The following ALCAM variants were observed in gnomAD, a reference collection of about 807,000 sequenced individuals.
ALCAM encodes the protein activated leukocyte cell adhesion molecule.
A neutral mutation model predicts 70.9 loss-of-function variants in ALCAM; 30 were observed. The ratio of observed to expected loss-of-function variants is 0.42; its 90% CI spans 0.32 to 0.57. ALCAM has a LOEUF of 0.57. ALCAM is among the 20% of genes least tolerant of loss of function. ALCAM has a pLI of 0.11. For missense variants in ALCAM, 591 were observed against 695.1 expected, an observed-to-expected ratio of 0.85 and a Z score of 1.68; for synonymous variants, 249 against 242.5, an observed-to-expected ratio of 1.03 and a Z score of -0.25.
At chr3:105,511,951 T>C (rs1266187528) in intron 1 of ALCAM, among the ~76,000 whole-genome samples, 1 of 151,990 alleles carries the variant, frequency 6.6e-6, no homozygotes, top group Non-Finnish European at 1.5e-5. Flanking sequence ...CACAGCATTT[T>C]CTAAGTCTGT....
intron 1 of ALCAM, among the ~76,000 whole-genome samples, chr3:105,483,564 A>G (rs1483815660): frequency 2.6e-5 from 4 of 152,134 alleles, no homozygotes; most frequent in Admixed American, 6.6e-5. Context: ...TGTGCCTGTA[A>G]AATGTCTGTG....
At chr3:105,407,840 G>A (rs1013092811) in intron 1 of ALCAM, among the ~76,000 whole-genome samples, 3 of 152,024 alleles carry the variant, frequency 2.0e-5, no homozygotes, top group Non-Finnish European at 4.4e-5. Context: ...TCCTAGAACT[G>A]GTAAATGAAT....
At chr3:105,373,598 G>C (rs901564903) in intron 1 of ALCAM, among the ~76,000 whole-genome samples, 14 of 152,146 alleles carry the variant, frequency 9.2e-5, no homozygotes, top group Non-Finnish European at 1.9e-4. Context: ...AATGACTAAA[G>C]TGAGTCTTAA....
At chr3:105,512,092 T>G (rs1164547277) in intron 1 of ALCAM, among the ~76,000 whole-genome samples, 1 of 152,072 alleles carries the variant, frequency 6.6e-6, no homozygotes, top group Non-Finnish European at 1.5e-5. Context: ...ATATTTTTTC[T>G]AAAGCATTTT....
intron 1 of ALCAM, among the ~76,000 whole-genome samples, chr3:105,504,836 G>A (rs1464749831): frequency 6.6e-6 from 1 of 152,206 alleles, no homozygotes; most frequent in African/African-American, 2.4e-5. Context: ...TGGGGGTGGA[G>A]CCCTAGCCAG....
intron 1 of ALCAM, among the ~76,000 whole-genome samples, chr3:105,437,132 A>C (rs1340397750): frequency 6.6e-6 from 1 of 152,186 alleles, no homozygotes; most frequent in Non-Finnish European, 1.5e-5. Flanking sequence ...GGTGTAAAAC[A>C]CTTCATCATG....
intron 1 of ALCAM, among the ~76,000 whole-genome samples, chr3:105,432,470 T>C (rs886344040): frequency 5.3e-5 from 8 of 152,074 alleles, no homozygotes; most frequent in African/African-American, 1.4e-4. Context: ...TTGAAAAAGA[T>C]GTGAGCTTCA....
intron 4 of ALCAM, among the ~76,000 whole-genome samples, chr3:105,532,323 T>C (rs1939860259): frequency 6.6e-6 from 1 of 152,154 alleles, no homozygotes; most frequent in South Asian, 2.1e-4. Context: ...GATTGTTTAA[T>C]AGAAGGATGA....
chr3:105,462,929 C>G (rs1937624519), intron 1 of ALCAM, among the ~76,000 whole-genome samples: 1 of 151,386 alleles, frequency 6.6e-6, no homozygotes, highest in Non-Finnish European at 1.5e-5. Flanking sequence ...GGAATATTAG[C>G]TATGCACTCT....
intron 1 of ALCAM, among the ~76,000 whole-genome samples, chr3:105,488,665 AGGGAAG>A (rs1576196672): frequency 7.0e-6 from 1 of 142,026 alleles, no homozygotes; most frequent in East Asian, 2.3e-4. Context: ...AGGAAGGGGA[AGGGAAG>A]GGGAAGGGAA....
At chr3:105,558,783 G>A (rs1205591294) in intron 14 of ALCAM, among the ~76,000 whole-genome samples, 1 of 152,024 alleles carries the variant, frequency 6.6e-6, no homozygotes, top group African/African-American at 2.4e-5. Context: ...CTTCAATTTG[G>A]TGAGTCCCTG....
chr3:105,367,523 T>G (rs201198792), intron 1 of ALCAM, 42 bp downstream of exon 1: 1 of 1,609,348 alleles, frequency 6.2e-7, no homozygotes, highest in African/African-American at 1.3e-5. Context: ...GACGTGGGCC[T>G]GGAGCAGTTT....
chr3:105,422,750 C>T (rs1169475777), intron 1 of ALCAM, among the ~76,000 whole-genome samples: 2 of 151,310 alleles, frequency 1.3e-5, no homozygotes, highest in Non-Finnish European at 3.0e-5. Context: ...TGAAATTATG[C>T]CAGATGAACT....
chr3:105,372,345 A>G (rs1317001578), intron 1 of ALCAM, among the ~76,000 whole-genome samples: 1 of 152,092 alleles, frequency 6.6e-6, no homozygotes, highest in Non-Finnish European at 1.5e-5. Context: ...AATAAATTTT[A>G]CATTCTCTTT....
rs566213985 is a variant in ALCAM, at chr3:105,407,207, A to C, written c.73+39726A>C. Reference sequence around the variant, plus strand: ...GAATCCTCCCTAAATCCTTCTGTGAAGTCACTATCACCCTAATACCAAAAC... The same window carrying C: ...GAATCCTCCCTAAATCCTTCTGTGACGTCACTATCACCCTAATACCAAAAC... On this transcript the variant is annotated intron_variant, in intron 1 of 15. Coordinates refer to ENST00000306107, the MANE Select transcript of ALCAM (RefSeq NM_001627.4). Among the ~76,000 whole-genome samples, 166 of 152,216 alleles carry C rather than the reference A, an allele frequency of 1.1e-3. 6 individuals are homozygous for C. The South Asian group carries it at 0.033, about 30-fold the overall frequency.
chr3:105,568,120 G>A (rs1940786526), intron 14 of ALCAM, among the ~76,000 whole-genome samples: 1 of 146,768 alleles, frequency 6.8e-6, no homozygotes, highest in African/African-American at 2.5e-5. Flanking sequence ...GAGTGCAATG[G>A]TACAATATCT....
chr3:105,519,333 A>G (rs1939469590), intron 1 of ALCAM, among the ~76,000 whole-genome samples: 1 of 152,072 alleles, frequency 6.6e-6, no homozygotes, highest in Non-Finnish European at 1.5e-5. Flanking sequence ...TTAATATAGA[A>G]TTAAATAAGA....
chr3:105,414,773 C>T (rs934901419), intron 1 of ALCAM, among the ~76,000 whole-genome samples: 4 of 152,066 alleles, frequency 2.6e-5, no homozygotes, highest in Non-Finnish European at 4.4e-5. Flanking sequence ...GACTTGAATT[C>T]TAGGCCAAGG....
At chr3:105,471,803 C>T (rs1206375668) in intron 1 of ALCAM, among the ~76,000 whole-genome samples, 1 of 150,978 alleles carries the variant, frequency 6.6e-6, no homozygotes, top group East Asian at 1.9e-4. Context: ...TGGCCCAAAC[C>T]CTTATACATC....
Sources: allele counts gnomAD v4.1 joint callset (sites outside exome capture counted in the v4.1 genomes callset), GRCh38; gene constraint gnomAD v4.1.1; transcripts MANE v1.5; gene names NCBI Gene and HGNC (gene_info 2026-07-23, HGNC 2026-07-21).